RFX1: variants seen among roughly 807,000 people sequenced by gnomAD.
RFX1 encodes MHC class II regulatory factor RFX1.
In RFX1, 42 loss-of-function variants were observed where a neutral mutation model predicts 119.6. That is an observed-to-expected ratio of 0.35 (90% CI 0.27 to 0.45). The LOEUF (loss-of-function observed/expected upper bound fraction) is 0.45. RFX1 is among the 20% of genes least tolerant of loss of function. The probability of loss-of-function intolerance (pLI) is 1.00; values close to 1 mark genes in which losing one functional copy is unlikely to be tolerated. For synonymous variants in RFX1, 628 were observed against 618.5 expected, an observed-to-expected ratio of 1.02 and a Z score of -0.23; for missense variants, 1,118 against 1,368.1, an observed-to-expected ratio of 0.82 and a Z score of 2.88.
chr19:13,993,638 C>A lies in RFX1; in HGVS notation c.206G>T (p.Gly69Val). 10 of 1,606,402 alleles carry A rather than the reference C, an allele frequency of 6.2e-6. No individual in the cohort carries two copies. Among genetic ancestry groups the A allele is most frequent in the Non-Finnish European group, 8.5e-6 (10 of 1,175,738 alleles). ...QSPQPQAQPP[G>V]GQKQYVTELP... Reference sequence around the variant, plus strand: ...CTCCGTCACGTACTGCTTCTGGCCACCCGGTGGCTGTGCCTGGGGCTGGGG... The same window carrying A: ...CTCCGTCACGTACTGCTTCTGGCCAACCGGTGGCTGTGCCTGGGGCTGGGG... Residue 69 changes from glycine (G) to valine (V), a missense_variant, in exon 2 of 21, where the codon GGT becomes GTT. By Grantham distance (109) the Gly-to-Val change is moderately radical. Around this residue, in one of 5 missense-constraint regions of RFX1, gnomAD observed 542 missense variants for 602.7 expected, o/e 0.90. Coordinates refer to ENST00000254325, the MANE Select transcript of RFX1 (RefSeq NM_002918.5).
chr19:13,971,853 C>G (rs1047676493), intron 9 of RFX1, among the ~76,000 whole-genome samples: 1 of 152,046 alleles, frequency 6.6e-6, no homozygotes, highest in Non-Finnish European at 1.5e-5. Context: ...ACTAAAAATA[C>G]AAAAATTAGC....
At chr19:13,997,721 C>T (rs1255723722) in intron 1 of RFX1, among the ~76,000 whole-genome samples, 1 of 152,192 alleles carries the variant, frequency 6.6e-6, no homozygotes, top group East Asian at 1.9e-4. Flanking sequence ...CTGACAGGGC[C>T]CTGGGGCCAC....
At chr19:13,978,940 T>A (rs1274126741) in intron 7 of RFX1, among the ~76,000 whole-genome samples, 4 of 151,638 alleles carry the variant, frequency 2.6e-5, no homozygotes, top group African/African-American at 9.7e-5. Context: ...CGGCTCGTAA[T>A]GGGGCGGCGG....
At position 13,962,830 on chromosome 19, in the gene RFX1, G is replaced by C. The variant is rs201266626; in HGVS notation, c.2805C>G (p.Asp935Glu). ...CCAGTGAGATGTCCTGCGGCAGCTC[G>C]TCCTCGCTCTCCTCCTCCTCTTCTT... ...EEEEEEEESEDELPQDISLAA... is the reference protein window; with the variant it reads ...EEEEEEEESEEELPQDISLAA... The change falls in exon 21 of 21, where the codon GAC becomes GAG. Residue 935 changes from aspartate to glutamate, a missense_variant. Physicochemically the swap from Asp to Glu is conservative, Grantham distance 45. Coordinates refer to ENST00000254325, the MANE Select transcript of RFX1 (RefSeq NM_002918.5). 153 of 1,528,264 alleles carry C rather than the reference G, an allele frequency of 1.0e-4. No homozygotes were observed. The Admixed American group carries it at 1.2e-3, about 12-fold the overall frequency. 94.7% of individuals were successfully genotyped at this position (1,528,264 alleles called of 1,614,324 possible).
At chr19:13,992,763 C>G (rs1345927461) in intron 2 of RFX1, among the ~76,000 whole-genome samples, 2 of 152,236 alleles carry the variant, frequency 1.3e-5, no homozygotes, top group Non-Finnish European at 2.9e-5. Context: ...CTGTCTCCCA[C>G]AGGTGCATGC....
In RFX1 at chr19:13,979,490, G is replaced by C. The variant is rs1555752506; in HGVS notation, c.791C>G (p.Pro264Arg). The C allele has an allele frequency of 1.9e-6, 3 of 1,601,754 alleles. No individual in the cohort carries two copies. Among genetic ancestry groups the C allele is most frequent in the Admixed American group, 3.4e-5 (2 of 59,110 alleles). Residue 264 changes from proline to arginine, a missense_variant, in exon 7 of 21, where the codon CCG (proline) becomes CGG (arginine). Transcript: ENST00000254325. ...PQAPKPGPVQ[P>R]LTVQGLQPVH... ...TGGCTGGAGGCCCTGCACGGTCAGCGGCTGCACCGGGCCGGGTTTGGGCGC... is the reference window on the plus strand; with the variant it reads ...TGGCTGGAGGCCCTGCACGGTCAGCCGCTGCACCGGGCCGGGTTTGGGCGC...
chr19:13,978,961 C>T (rs1359155018), intron 7 of RFX1, among the ~76,000 whole-genome samples: 2 of 151,522 alleles, frequency 1.3e-5, no homozygotes, highest in Non-Finnish European at 2.9e-5. Context: ...CGGCTCGGGG[C>T]TGCCTAGCTG....
Position 13,972,872 on chromosome 19 carries a change from ACCGCCTCCCCCGCCG to A in RFX1, c.1170_1184del (p.Gly395_Gly399del), listed in dbSNP as rs1568463670. On this transcript the variant is annotated inframe_deletion, in exon 9 of 21. Coordinates refer to ENST00000254325, the MANE Select transcript of RFX1 (RefSeq NM_002918.5). ...CGGTGCTGCCACTGCCACCCCCGCC[ACCGCCTCCCCCGCCG>A]CCGCCGCCACCACCACTGCCACCAC... 8 of 1,554,110 alleles carry A rather than the reference ACCGCCTCCCCCGCCG, an allele frequency of 5.1e-6. No individual in the cohort carries two copies. The highest frequency in any genetic ancestry group is 2.3e-5 in the South Asian group (2 of 85,688).
At chr19:14,000,522 G>C (rs1054280555) in intron 1 of RFX1, among the ~76,000 whole-genome samples, 4 of 152,108 alleles carry the variant, frequency 2.6e-5, no homozygotes, top group African/African-American at 9.7e-5. Context: ...TAATGACTGG[G>C]CGCAGTGCTC....
intron 1 of RFX1, among the ~76,000 whole-genome samples, chr19:13,996,737 T>TTTTTTG (rs1975036166): frequency 6.7e-6 from 1 of 149,126 alleles, no homozygotes; most frequent in Non-Finnish European, 1.5e-5. Context: ...TTTTTTTTTT[T>TTTTTTG]TTTGAGATGG....
In RFX1 at chr19:13,977,977, T is replaced by A; in HGVS notation, c.929+15A>T. 6.3e-7 allele frequency: 1 copy of A among 1,587,066 alleles called. No individual in the cohort carries two copies. Among genetic ancestry groups the A allele is most frequent in the Non-Finnish European group, 8.6e-7 (1 of 1,157,430 alleles). ...CAGACCTGACTCCCTCACCCACCCC[T>A]CTCCCTTCACTTACATGGCACTGGC... On this transcript the variant is annotated intron_variant, in intron 8 of 20. Transcript: ENST00000254325.
At chr19:13,982,902 G>C in intron 4 of RFX1, 1 of 471,994 alleles carries the variant, frequency 2.1e-6, no homozygotes, top group South Asian at 2.6e-5. Context: ...ACCTGGCCTT[G>C]GGTTCTCTGC....
rs771302231 is a variant in RFX1, at chr19:13,963,030, G to A, written c.2734C>T (p.Leu912=). 4.4e-5 allele frequency: 69 copies of A among 1,559,632 alleles called. No homozygotes were observed. The highest frequency in any genetic ancestry group is 5.9e-5 in the Non-Finnish European group (68 of 1,151,456). ...TCCAGGGGGTTCAGGGAGGTGGCCA[G>A]ATTGGCGAACTGGAGGAAGAAGAGA... ...PIAVMGEFAN[L]ATSLNPLDPD... Residue 912 remains leucine (L), a synonymous_variant, in exon 20 of 21, where the codon CTG becomes TTG. Transcript: ENST00000254325.
In RFX1 at chr19:13,994,913, T is replaced by C. The variant is rs995505035; in HGVS notation, c.-52-1018A>G. Among the ~76,000 whole-genome samples, 88 of 90,290 alleles carry C rather than the reference T, an allele frequency of 9.7e-4. 1 individual carries two copies. The highest frequency in any genetic ancestry group is 3.4e-3 in the African/African-American group (85 of 25,306). The allele number at this position is 90,290 out of a possible 152,430, so 59.2% of individuals were successfully genotyped here. The stretch of plus-strand genomic sequence containing the variant: ...ACATACATATATATATATATATATA[T>C]ATATATATATATATATATATATATA... On this transcript the variant is annotated intron_variant, in intron 1 of 20. Coordinates refer to ENST00000254325, the MANE Select transcript of RFX1 (RefSeq NM_002918.5).
Position 13,963,712 on chromosome 19 carries a change from C to T in RFX1, c.2396G>A (p.Arg799His), listed in dbSNP as rs559198056. The T allele has an allele frequency of 6.2e-7, 1 of 1,602,030 alleles. No homozygotes were observed. Among genetic ancestry groups the T allele is most frequent in the African/African-American group, 1.3e-5 (1 of 74,734 alleles). The part of the protein sequence containing the change: ...QASWVCRCED[R>H]VVQRLEQDFK... ...GTCCTGCTCCAGCCGCTGCACCACG[C>T]GGTCCTCGCAGCGGCACACCCACGA... Residue 799 changes from arginine to histidine, a missense_variant, in exon 18 of 21, where the codon CGC (arginine) becomes CAC (histidine). This residue lies in a region of RFX1 where 68 missense variants were observed against 67.2 expected (regional missense o/e 1.01). Coordinates refer to ENST00000254325, the MANE Select transcript of RFX1 (RefSeq NM_002918.5).
rs1973972671 is a variant in RFX1 at position 13,968,470 on chromosome 19, A to T, written c.1732+95T>A. 1.0e-6 allele frequency: 1 copy of T among 1,000,240 alleles called. No homozygotes were observed. Among genetic ancestry groups the T allele is most frequent in the South Asian group, 1.4e-5 (1 of 73,716 alleles). The allele number at this position is 1,000,240 out of a possible 1,614,324, so 62.0% of individuals were successfully genotyped here. On this transcript the variant is annotated intron_variant, in intron 12 of 20. Coordinates refer to ENST00000254325, the MANE Select transcript of RFX1 (RefSeq NM_002918.5). The surrounding 1 kb of genome is among the most constrained non-coding windows in gnomAD (Gnocchi z 5.5). ...GGGCATCTCTCACCAAGCCCTCCCC[A>T]GCTCAGAGGCTGCCTGCCGCCATCC...
intron 1 of RFX1, among the ~76,000 whole-genome samples, chr19:14,004,257 C>A (rs1044890156): frequency 6.6e-6 from 1 of 152,004 alleles, no homozygotes; most frequent in Non-Finnish European, 1.5e-5. Context: ...CGCCTGTAAT[C>A]CCAGCATTTT....
rs1463832114 is a variant in RFX1, at chr19:13,962,361, C to T, written c.*334G>A. On this transcript the variant is annotated 3_prime_UTR_variant, in exon 21 of 21. Coordinates refer to ENST00000254325, the MANE Select transcript of RFX1 (RefSeq NM_002918.5). ...GCACGGGAGGGGGCCTGCCTGCCTG[C>T]CCCCTGGGGTGGTGGGAGGACGGGG... 2 of 365,814 alleles carry T rather than the reference C, an allele frequency of 5.5e-6. No homozygotes were observed. Among genetic ancestry groups the T allele is most frequent in the Admixed American group, 4.6e-5 (1 of 21,648 alleles). 22.7% of individuals were successfully genotyped at this position (365,814 alleles called of 1,614,324 possible).
rs760488492 is a variant in RFX1 at position 13,985,877 on chromosome 19, C to T, written c.320-2282G>A. The stretch of plus-strand genomic sequence containing the variant: ...AGAGCGCAGGAGTGTGTGTTGGGGG[C>T]GGGGGTTGCCAGATGTGGGAGGTGT... On this transcript the variant is annotated intron_variant, in intron 2 of 20. Coordinates refer to ENST00000254325, the MANE Select transcript of RFX1 (RefSeq NM_002918.5). The surrounding 1 kb of genome is among the most constrained non-coding windows in gnomAD (Gnocchi z 4.3). Among the ~76,000 whole-genome samples the T allele has an allele frequency of 2.6e-5, 4 of 151,536 alleles. No individual in the cohort carries two copies. The highest frequency in any genetic ancestry group is 9.7e-5 in the African/African-American group (4 of 41,198).
Sources: gnomAD v4.1 joint callset for allele counts (sites outside exome capture counted in the v4.1 genomes callset) on GRCh38, gnomAD v4.1.1 for gene constraint, gnomAD v4.1.1 regional missense constraint, Gnocchi (gnomAD v3.1) non-coding constraint, MANE v1.5 for transcripts, NCBI Gene and HGNC (gene_info 2026-07-23, HGNC 2026-07-21) for gene names.